Variants in SEMA5B observed in about 807,000 individuals in gnomAD.
The protein encoded by SEMA5B is semaphorin-5B.
Under a neutral mutation model 135.0 loss-of-function variants are expected in SEMA5B, and 66 were observed. The ratio of observed to expected loss-of-function variants is 0.49; its 90% CI spans 0.40 to 0.60. SEMA5B has a LOEUF of 0.60. SEMA5B is among the 20% of genes least tolerant of loss of function. The pLI is 0.00. For synonymous variants in SEMA5B, 690 were observed against 639.5 expected (o/e 1.08, Z -1.19); for missense variants, 1,501 against 1,566.3 (o/e 0.96, Z 0.70).
rs767520305 is a variant in SEMA5B, at chr3:122,976,046, C to T, written c.-38-14745G>A. On this transcript the variant is annotated intron_variant, in intron 1 of 22. Transcript: ENST00000357599. ...TGCCCGTCCCTGTAGAATGCCCTCT[C>T]CCAAATGCCAGCTCATCTATGAAGC... The T allele has an allele frequency of 1.2e-5, 19 of 1,535,186 alleles. No individual in the cohort carries two copies. In the South Asian group the frequency reaches 1.5e-4, roughly 12 times the overall value.
chr3:122,986,028 G>C (rs1941685600), intron 1 of SEMA5B, among the ~76,000 whole-genome samples: 1 of 152,122 alleles, frequency 6.6e-6, no homozygotes, highest in Non-Finnish European at 1.5e-5. Flanking sequence ...AAAATTCTAT[G>C]GAGTAAATTG....
intron 12 of SEMA5B, among the ~76,000 whole-genome samples, chr3:122,918,386 C>T (rs1938181516): frequency 1.3e-5 from 2 of 152,172 alleles, no homozygotes; most frequent in Admixed American, 1.3e-4. Flanking sequence ...AACAAAAAGC[C>T]CACCAACCTA....
intron 1 of SEMA5B, among the ~76,000 whole-genome samples, chr3:123,019,510 G>A (rs1159492450): frequency 6.6e-6 from 1 of 152,208 alleles, no homozygotes; most frequent in Non-Finnish European, 1.5e-5. Context: ...GATGGCTTAA[G>A]CATGGGAGGG....
At chr3:122,995,103 C>T (rs1037441736) in intron 1 of SEMA5B, among the ~76,000 whole-genome samples, 7 of 152,130 alleles carry the variant, frequency 4.6e-5, no homozygotes, top group Non-Finnish European at 8.8e-5. Context: ...AGAGGCAGAA[C>T]GTAACCCAGG....
intron 1 of SEMA5B, among the ~76,000 whole-genome samples, chr3:123,019,293 T>C (rs1576412860): frequency 6.6e-6 from 1 of 152,070 alleles, no homozygotes; most frequent in East Asian, 1.9e-4. Flanking sequence ...ATGAGGAAAG[T>C]GGAGATAAAA....
chr3:123,009,955 A>G (rs1276136038), intron 1 of SEMA5B, among the ~76,000 whole-genome samples: 1 of 152,214 alleles, frequency 6.6e-6, no homozygotes, highest in East Asian at 1.9e-4. Context: ...CGGCATGGTG[A>G]TGCAGTACAG....
At chr3:122,984,030 AC>A (rs1202302635) in intron 1 of SEMA5B, among the ~76,000 whole-genome samples, 1 of 152,228 alleles carries the variant, frequency 6.6e-6, no homozygotes, top group Admixed American at 6.5e-5. Context: ...CATTGGTCCT[AC>A]GTGCAGAGGA....
intron 14 of SEMA5B, 55 bp downstream of exon 14, chr3:122,915,385 A>G: frequency 1.3e-6 from 2 of 1,528,636 alleles, no homozygotes; most frequent in Admixed American, 3.9e-5. Context: ...CCGTTTCCCT[A>G]GTTCTCCCCA....
intron 1 of SEMA5B, among the ~76,000 whole-genome samples, chr3:122,965,396 C>T (rs1940775992): frequency 6.6e-6 from 1 of 152,240 alleles, no homozygotes; most frequent in Admixed American, 6.5e-5. Flanking sequence ...CAGAAGTCTG[C>T]TACAGGCTCT....
chr3:123,008,936 A>G (rs1011545992), intron 1 of SEMA5B, among the ~76,000 whole-genome samples: 3 of 152,162 alleles, frequency 2.0e-5, no homozygotes, highest in Non-Finnish European at 4.4e-5. Context: ...AGGACAGCCC[A>G]AAGAGCAGTG....
At chr3:122,952,121 C>T (rs55633552) in intron 2 of SEMA5B, among the ~76,000 whole-genome samples, 2 of 152,182 alleles carry the variant, frequency 1.3e-5, no homozygotes, top group East Asian at 1.9e-4. Flanking sequence ...TCATACTTTG[C>T]TCCTCCCCAG....
intron 5 of SEMA5B, among the ~76,000 whole-genome samples, chr3:122,936,436 G>A (rs1333342202): frequency 6.6e-6 from 1 of 152,120 alleles, no homozygotes; most frequent in Admixed American, 6.5e-5. Flanking sequence ...AACTGGAAGA[G>A]AGCTCAGGCA....
At chr3:122,947,026 C>T (rs180995131) in intron 3 of SEMA5B, among the ~76,000 whole-genome samples, 20 of 152,210 alleles carry the variant, frequency 1.3e-4, no homozygotes, top group East Asian at 5.8e-4. Context: ...CCCCAGCTCT[C>T]CTTCCATGTC....
chr3:122,974,404 G>A (rs115929035), intron 1 of SEMA5B, among the ~76,000 whole-genome samples: 19 of 152,366 alleles, frequency 1.2e-4, no homozygotes, highest in Middle Eastern at 3.4e-3. Context: ...ACTCGCCTGC[G>A]CACATGCCTG....
At chr3:122,939,031 A>G (rs1341514262) in intron 5 of SEMA5B, among the ~76,000 whole-genome samples, 1 of 152,216 alleles carries the variant, frequency 6.6e-6, no homozygotes, top group Non-Finnish European at 1.5e-5. Flanking sequence ...CCTCCTGTGG[A>G]GCCAGGTCTG....
In SEMA5B at chr3:122,927,994, G is replaced by C; in HGVS notation, c.646C>G (p.Leu216Val). The C allele has an allele frequency of 6.8e-7, 1 of 1,472,568 alleles. No individual in the cohort carries two copies. Among genetic ancestry groups the C allele is most frequent in the Non-Finnish European group, 9.0e-7 (1 of 1,106,504 alleles). 91.2% of individuals were successfully genotyped at this position (1,472,568 alleles called of 1,614,324 possible). A position where few individuals can be genotyped will look rare whatever the true frequency, so the allele number is the denominator to read the frequency against. ...TTGATCTTCTCAATAGTCCGGCTGA[G>C]GTTCCCCACCTGGGGACAATGGGGA... is the stretch of plus-strand genomic sequence containing the variant. ...PMCTSRQVGN[L>V]SRTIEKINGV... The change falls in exon 8 of 23, where the codon CTC becomes GTC. Residue 216 changes from leucine (L) to valine (V), a missense_variant. Leu to Val is a conservative substitution (Grantham distance 32). Around this residue, in one of 2 missense-constraint regions of SEMA5B, gnomAD observed 574 missense variants for 684.7 expected, o/e 0.84. Transcript: ENST00000357599.
rs536454747 is a variant in SEMA5B, at chr3:122,928,901, A to G, written c.537+95T>C. ...CTCATCCTGGCCAGGCCTCTCTAGC[A>G]GGGGACCTCAGTCCACACAGTGCTG... is the stretch of plus-strand genomic sequence containing the variant. On this transcript the variant is annotated intron_variant, in intron 6 of 22. Coordinates refer to ENST00000357599, the MANE Select transcript of SEMA5B (RefSeq NM_001031702.4). 11 of 1,261,146 alleles carry G rather than the reference A, an allele frequency of 8.7e-6. No homozygotes were observed. In the Admixed American group the frequency reaches 1.5e-4, roughly 17 times the overall value. 78.1% of individuals were successfully genotyped at this position (1,261,146 alleles called of 1,614,324 possible).
chr3:122,912,987 G>C lies in SEMA5B; in HGVS notation c.2581C>G (p.Pro861Ala). 1 of 1,608,766 alleles carries C rather than the reference G, an allele frequency of 6.2e-7. No individual in the cohort carries two copies. The highest frequency in any genetic ancestry group is 8.5e-7 in the Non-Finnish European group (1 of 1,177,854). ...CAGTCCCGGGAGCAGGACGACCACGGGCCCCAGGCGGCCCAGCCCCCGCTC... is the reference window on the plus strand; with the variant it reads ...CAGTCCCGGGAGCAGGACGACCACGCGCCCCAGGCGGCCCAGCCCCCGCTC... ...TVSGGWAAWGPWSSCSRDCEL... is the reference protein window; with the variant it reads ...TVSGGWAAWGAWSSCSRDCEL... Residue 861 changes from proline to alanine, a missense_variant, in exon 18 of 23, where the codon CCG (proline) becomes GCG (alanine). This residue lies in a region of SEMA5B where 927 missense variants were observed against 881.6 expected (regional missense o/e 1.05). Coordinates refer to ENST00000357599, the MANE Select transcript of SEMA5B (RefSeq NM_001031702.4).
At chr3:122,931,016 A>G (rs77612068) in intron 5 of SEMA5B, among the ~76,000 whole-genome samples, 2,982 of 143,664 alleles carry the variant, frequency 0.021, 92 homozygotes, top group African/African-American at 0.073. Context: ...ACAGCACAGA[A>G]TGGCTTTTTT....
Sources: allele counts gnomAD v4.1 joint callset (sites outside exome capture counted in the v4.1 genomes callset), GRCh38; gene constraint gnomAD v4.1.1; regional missense constraint gnomAD v4.1.1; transcripts MANE v1.5; gene names NCBI Gene and HGNC (gene_info 2026-07-23, HGNC 2026-07-21).